The following CUL7 variants were observed in gnomAD, a reference collection of about 807,000 sequenced individuals.
CUL7 encodes the protein cullin 7.
A neutral mutation model predicts 177.7 loss-of-function variants in CUL7; 96 were observed. The observed-to-expected ratio is 0.54, with a 90% confidence interval of 0.46 to 0.64. The LOEUF is 0.64. CUL7 is among the 30% of genes least tolerant of loss of function. The pLI, the probability that CUL7 is intolerant of heterozygous loss-of-function variation, is 0.00. For synonymous variants in CUL7, 824 were observed against 890.2 expected (o/e 0.93, Z 1.32); for missense variants, 1,893 against 2,187.9 (o/e 0.87, Z 2.69).
Position 43,046,278 on chromosome 6 carries a change from G to C in CUL7, c.2618C>G (p.Ser873Cys). 1 of 1,614,226 alleles carries C rather than the reference G, an allele frequency of 6.2e-7. No homozygotes were observed. The highest frequency in any genetic ancestry group is 2.2e-5 in the East Asian group (1 of 44,876). Residue 873 changes from serine (S) to cysteine (C), a missense_variant, in exon 12 of 26, where the codon TCC becomes TGC. Around this residue, in one of 5 missense-constraint regions of CUL7, gnomAD observed 973 missense variants for 1,140.9 expected, o/e 0.85. Coordinates refer to ENST00000265348, the MANE Select transcript of CUL7 (RefSeq NM_014780.5). ...GCGCATGTGCAGGGTGATGTAGTGG[G>C]AGCCGGCGCTGCCGTTGGACTCCCA... is the stretch of plus-strand genomic sequence containing the variant. Reference protein sequence around the residue: ...TYWESNGSAGSHYITLHMRRG... With the variant: ...TYWESNGSAGCHYITLHMRRG...
Position 43,053,075 on chromosome 6 carries a change from G to C in CUL7, c.-8-279C>G, listed in dbSNP as rs1764569411. Among the ~76,000 whole-genome samples, 1 of 152,186 alleles carries C rather than the reference G, an allele frequency of 6.6e-6. No individual in the cohort carries two copies. Among genetic ancestry groups the C allele is most frequent in the Non-Finnish European group, 1.5e-5 (1 of 68,022 alleles). On this transcript the variant is annotated intron_variant, in intron 1 of 25. Coordinates refer to ENST00000265348, the MANE Select transcript of CUL7 (RefSeq NM_014780.5). The surrounding 1 kb of genome is among the most constrained non-coding windows in gnomAD (Gnocchi z 4.1). ...TTGATATGGAACAGTGGGCGGACTA[G>C]TGGGGGCAGGGCAGCCTTGGAGTTA...
In CUL7 at chr6:43,045,868, A is replaced by T; in HGVS notation, c.2766+118T>A. 1 of 1,078,590 alleles carries T rather than the reference A, an allele frequency of 9.3e-7. No homozygotes were observed. The highest frequency in any genetic ancestry group is 1.4e-6 in the Non-Finnish European group (1 of 713,746). The allele number at this position is 1,078,590 out of a possible 1,614,324, so 66.8% of individuals were successfully genotyped here. A position where few individuals can be genotyped will look rare whatever the true frequency, so the allele number is the denominator to read the frequency against. ...CACAAGCACAGGGATAAAGGACACT[A>T]CTTTCTGTGGGGCTCAAGACAGGTG... On this transcript the variant is annotated intron_variant, in intron 13 of 25. Transcript: ENST00000265348. This position sits in a 1 kb window ranked among gnomAD's most constrained non-coding sequence, Gnocchi z 4.8.
At position 43,038,978 on chromosome 6, in the gene CUL7, T is replaced by C. The variant is rs1287071543; in HGVS notation, c.4304A>G (p.His1435Arg). Residue 1435 changes from histidine (H) to arginine (R), a missense_variant, in exon 23 of 26, where the codon CAC (histidine) becomes CGC (arginine). By Grantham distance (29) the His-to-Arg change is conservative. Around this residue, in one of 5 missense-constraint regions of CUL7, gnomAD observed 973 missense variants for 1,140.9 expected, o/e 0.85. Coordinates refer to ENST00000265348, the MANE Select transcript of CUL7 (RefSeq NM_014780.5). ...YSNFYNKSQS[H>R]PALERGSQRR... ...CTGTGAGCCTCGCTCAAGGGCAGGGTGGCTCTGACCTGGACCAGGAAGGGG... is the reference window on the plus strand; with the variant it reads ...CTGTGAGCCTCGCTCAAGGGCAGGGCGGCTCTGACCTGGACCAGGAAGGGG... 3 of 1,609,592 alleles carry C rather than the reference T, an allele frequency of 1.9e-6. No homozygotes were observed.
At position 43,040,693 on chromosome 6, in the gene CUL7, G is replaced by A. The variant is rs1313068084; in HGVS notation, c.3860C>T (p.Ala1287Val). 2 of 1,614,128 alleles carry A rather than the reference G, an allele frequency of 1.2e-6. No homozygotes were observed. ...LGVVSSWLEG[A>V]VLEQIGPCFP... The stretch of plus-strand genomic sequence containing the variant: ...GCAGGGACCGATCTGCTCCAGCACG[G>A]CCCCCTCCAGCCAGCTCGAGACCAC... Residue 1287 changes from alanine to valine, a missense_variant, in exon 21 of 26, where the codon GCC becomes GTC. Physicochemically the swap from Ala to Val is moderately conservative, Grantham distance 64. This residue lies in a region of CUL7 where 973 missense variants were observed against 1,140.9 expected (regional missense o/e 0.85). Coordinates refer to ENST00000265348, the MANE Select transcript of CUL7 (RefSeq NM_014780.5). The surrounding 1 kb of genome is among the most constrained non-coding windows in gnomAD (Gnocchi z 4.2).
At position 43,040,893 on chromosome 6, in the gene CUL7, C is replaced by T. The variant is rs755683048; in HGVS notation, c.3806+22G>A. 72 of 1,612,074 alleles carry T rather than the reference C, an allele frequency of 4.5e-5. No individual in the cohort carries two copies. The highest frequency in any genetic ancestry group is 5.6e-5 in the Non-Finnish European group (66 of 1,178,998). On this transcript the variant is annotated intron_variant, in intron 20 of 25. Coordinates refer to ENST00000265348, the MANE Select transcript of CUL7 (RefSeq NM_014780.5). This position sits in a 1 kb window ranked among gnomAD's most constrained non-coding sequence, Gnocchi z 4.2. Reference sequence around the variant, plus strand: ...CATCATCCTGCCTCCCGCCAGCTCCCGCTCCTTAGGTCCACACTCACTGGT... The same window carrying T: ...CATCATCCTGCCTCCCGCCAGCTCCTGCTCCTTAGGTCCACACTCACTGGT...
At chr6:43,047,226 G>C in intron 9 of CUL7, 119 bp from the exon 10 acceptor site, 1 of 706,116 alleles carries the variant, frequency 1.4e-6, no homozygotes, top group African/African-American at 1.7e-5. Flanking sequence ...GCTACAGTGA[G>C]CAAGGCAGAG....
chr6:43,045,338 A>G lies in CUL7; in HGVS notation c.2927T>C (p.Val976Ala), dbSNP rs747111214. The G allele has an allele frequency of 1.2e-6, 2 of 1,614,200 alleles. No homozygotes were observed. The highest frequency in any genetic ancestry group is 1.7e-6 in the Non-Finnish European group (2 of 1,180,032). The change falls in exon 15 of 26, where the codon GTG becomes GCG. Residue 976 changes from valine to alanine, a missense_variant. Coordinates refer to ENST00000265348, the MANE Select transcript of CUL7 (RefSeq NM_014780.5). This position sits in a 1 kb window ranked among gnomAD's most constrained non-coding sequence, Gnocchi z 4.8. ...GTGACGACAGAGCTGCTCCCGGAAC[A>G]CTGGCCAGAACGTGGGCTTGGGGCC... is the stretch of plus-strand genomic sequence containing the variant. ...ILGPKPTFWP[V>A]FREQLCRHTR... is the part of the protein sequence containing the mutation.
At chr6:43,047,995 T>A (rs1764058887) in intron 9 of CUL7, 153 bp downstream of exon 9, 3 of 620,686 alleles carry the variant, frequency 4.8e-6, no homozygotes, top group Non-Finnish European at 8.7e-6. Context: ...ATTACCTATT[T>A]AAAAAAAATA....
chr6:43,052,431 TC>T lies in CUL7; in HGVS notation c.357del (p.Arg120GlufsTer51). The T allele has an allele frequency of 1.2e-6, 2 of 1,614,050 alleles. No homozygotes were observed. Among genetic ancestry groups the T allele is most frequent in the South Asian group, 2.2e-5 (2 of 91,084 alleles). On this transcript the variant is annotated frameshift_variant, in exon 2 of 26. Coordinates refer to ENST00000265348, the MANE Select transcript of CUL7 (RefSeq NM_014780.5). LOFTEE classifies it high-confidence loss of function. This position sits in a 1 kb window ranked among gnomAD's most constrained non-coding sequence, Gnocchi z 4.5. The stretch of plus-strand genomic sequence containing the variant: ...CACTCCTCCAGCTGCCGAAGGGCTC[TC>T]TGAATGAGGGACTTCACGTCGGTTT... ...EMETDVKSLI[Q>X]RALRQLEECV... is the part of the protein sequence containing the mutation.
Position 43,050,886 on chromosome 6 carries a change from G to C in CUL7, c.1233+82C>G. 1 of 1,552,924 alleles carries C rather than the reference G, an allele frequency of 6.4e-7. No individual in the cohort carries two copies. Among genetic ancestry groups the C allele is most frequent in the East Asian group, 2.3e-5 (1 of 44,430 alleles). On this transcript the variant is annotated intron_variant, in intron 4 of 25. Coordinates refer to ENST00000265348, the MANE Select transcript of CUL7 (RefSeq NM_014780.5). The surrounding 1 kb of genome is among the most constrained non-coding windows in gnomAD (Gnocchi z 4.1). ...AAGCTTTCTCTTTGGGTGGCCTGCT[G>C]GAGCCCCCCCATATAGAAGTCCCAG...
At position 43,044,894 on chromosome 6, in the gene CUL7, G is replaced by A; in HGVS notation, c.3039-9C>T. On this transcript the variant is annotated splice_polypyrimidine_tract_variant and intron_variant, in intron 15 of 25. Transcript: ENST00000265348. ...GCAGAGCACCGTTGAGTCTGGGGGT[G>A]AGAATGGAGGAGGAAGGTGTCAGGG... 2 of 1,611,368 alleles carry A rather than the reference G, an allele frequency of 1.2e-6. No homozygotes were observed. Among genetic ancestry groups the A allele is most frequent in the Non-Finnish European group, 8.5e-7 (1 of 1,177,788 alleles).
Position 43,045,936 on chromosome 6 carries a change from G to T in CUL7, c.2766+50C>A. On this transcript the variant is annotated intron_variant, in intron 13 of 25. Transcript: ENST00000265348. The surrounding 1 kb of genome is among the most constrained non-coding windows in gnomAD (Gnocchi z 4.8). ...GGATAGGGCCAGATAGAAGCAGGAGGGCAGATCCTGTGAGGGGTGGAGTAA... is the reference window on the plus strand; with the variant it reads ...GGATAGGGCCAGATAGAAGCAGGAGTGCAGATCCTGTGAGGGGTGGAGTAA... 1 of 1,437,854 alleles carries T rather than the reference G, an allele frequency of 7.0e-7. No individual in the cohort carries two copies. Among genetic ancestry groups the T allele is most frequent in the Non-Finnish European group, 9.8e-7 (1 of 1,021,588 alleles). 89.1% of individuals were successfully genotyped at this position (1,437,854 alleles called of 1,614,324 possible).
Position 43,051,492 on chromosome 6 carries a change from A to T in CUL7, c.733-24T>A. The T allele has an allele frequency of 6.2e-7, 1 of 1,614,022 alleles. No individual in the cohort carries two copies. The highest frequency in any genetic ancestry group is 8.5e-7 in the Non-Finnish European group (1 of 1,180,006). On this transcript the variant is annotated intron_variant, in intron 3 of 25. Transcript: ENST00000265348. This position sits in a 1 kb window ranked among gnomAD's most constrained non-coding sequence, Gnocchi z 5.0. ...ACCTGTGGGATACAACCTTTGGCCT[A>T]TATCCACCTTGTCCCAGTTTAAGCC... is the stretch of plus-strand genomic sequence containing the variant.
At chr6:43,047,642 T>G (rs529413270) in intron 9 of CUL7, among the ~76,000 whole-genome samples, 57 of 152,302 alleles carry the variant, frequency 3.7e-4, no homozygotes, top group African/African-American at 1.2e-3. Context: ...GCCCAGGACT[T>G]CTCTGTAGCT....
At position 43,043,547 on chromosome 6, in the gene CUL7, C is replaced by T. The variant is rs759892486; in HGVS notation, c.3256G>A (p.Gly1086Ser). The change falls in exon 17 of 26, where the codon GGC becomes AGC. Residue 1086 changes from glycine to serine, a missense_variant. By Grantham distance (56) the Gly-to-Ser change is moderately conservative. Around this residue, in one of 5 missense-constraint regions of CUL7, gnomAD observed 973 missense variants for 1,140.9 expected, o/e 0.85. Coordinates refer to ENST00000265348, the MANE Select transcript of CUL7 (RefSeq NM_014780.5). This position sits in a 1 kb window ranked among gnomAD's most constrained non-coding sequence, Gnocchi z 4.2. ...QEAVFNPQSR[G>S]PAFFSRVRRL... ...CGCACCCGCGAGAAGAAAGCTGGGC[C>T]GCGGCTCTGGGGGTTGAAGACAGCT... 13 of 1,613,874 alleles carry T rather than the reference C, an allele frequency of 8.1e-6. No individual in the cohort carries two copies. The highest frequency in any genetic ancestry group is 4.0e-5 in the African/African-American group (3 of 74,910).
At position 43,043,488 on chromosome 6, in the gene CUL7, G is replaced by C; in HGVS notation, c.3315C>G (p.Pro1105=). ...RLTHLLVHVE[P]CEAPPPVVAT... ...CCACCACAGGAGGGGGTGCCTCACA[G>C]GGCTCGACATGCACCAGCAGGTGAG... Residue 1105 remains proline (P), a synonymous_variant, in exon 17 of 26, where the codon CCC becomes CCG. Transcript: ENST00000265348. The surrounding 1 kb of genome is among the most constrained non-coding windows in gnomAD (Gnocchi z 4.2). 1 of 1,614,102 alleles carries C rather than the reference G, an allele frequency of 6.2e-7. No individual in the cohort carries two copies. Among genetic ancestry groups the C allele is most frequent in the South Asian group, 1.1e-5 (1 of 91,082 alleles).
chr6:43,051,688 C>T lies in CUL7; in HGVS notation c.656G>A (p.Cys219Tyr), dbSNP rs745820541. The change falls in exon 3 of 26, where the codon TGT becomes TAT. Residue 219 changes from cysteine to tyrosine, a missense_variant. This residue lies in a region of CUL7 where 653 missense variants were observed against 725.2 expected (regional missense o/e 0.90). Coordinates refer to ENST00000265348, the MANE Select transcript of CUL7 (RefSeq NM_014780.5). This position sits in a 1 kb window ranked among gnomAD's most constrained non-coding sequence, Gnocchi z 5.0. Reference protein sequence around the residue: ...IEKHLDFDSRCALLALFAQAT... With the variant: ...IEKHLDFDSRYALLALFAQAT... Reference sequence around the variant, plus strand: ...CTGTGCAAACAGTGCTAGCAGAGCACAGCGGCTGTCAAAATCCAGGTGTTT... The same window carrying T: ...CTGTGCAAACAGTGCTAGCAGAGCATAGCGGCTGTCAAAATCCAGGTGTTT... 4.3e-6 allele frequency: 7 copies of T among 1,614,162 alleles called. No individual in the cohort carries two copies. The Admixed American group carries it at 1.0e-4, about 23-fold the overall frequency.
At position 43,050,111 on chromosome 6, in the gene CUL7, G is replaced by A. The variant is rs745753542; in HGVS notation, c.1421C>T (p.Pro474Leu). The change falls in exon 6 of 26, where the codon CCT becomes CTT. Residue 474 changes from proline (P) to leucine (L), a missense_variant. Pro to Leu is a moderately conservative substitution (Grantham distance 98, BLOSUM62 -3). Transcript: ENST00000265348. The surrounding 1 kb of genome is among the most constrained non-coding windows in gnomAD (Gnocchi z 4.1). The part of the protein sequence containing the change: ...WRPMTELYAV[P>L]YVLPEDEDTE... ...GTCCTCATCCTCAGGCAGCACATAA[G>A]GCACAGCATAGAGTTCTGTCATGGG... 1 of 1,614,220 alleles carries A rather than the reference G, an allele frequency of 6.2e-7. No individual in the cohort carries two copies.
chr6:43,053,806 G>A lies in CUL7; in HGVS notation c.-193C>T. 6.5e-7 allele frequency: 1 copy of A among 1,532,922 alleles called. No homozygotes were observed. Among genetic ancestry groups the A allele is most frequent in the Non-Finnish European group, 8.7e-7 (1 of 1,146,210 alleles). The allele number at this position is 1,532,922 out of a possible 1,614,324, so 95.0% of individuals were successfully genotyped here. On this transcript the variant is annotated 5_prime_UTR_variant, in exon 1 of 26. Coordinates refer to ENST00000265348, the MANE Select transcript of CUL7 (RefSeq NM_014780.5). This position sits in a 1 kb window ranked among gnomAD's most constrained non-coding sequence, Gnocchi z 4.1. Reference sequence around the variant, plus strand: ...GCGTGAGTCGGCAGCCACTGGGGCAGGGTGGGGCCCGGTCCCTGCCAGCGG... The same window carrying A: ...GCGTGAGTCGGCAGCCACTGGGGCAAGGTGGGGCCCGGTCCCTGCCAGCGG...
Sources: gnomAD v4.1 joint callset for allele counts (sites outside exome capture counted in the v4.1 genomes callset) on GRCh38, gnomAD v4.1.1 for gene constraint, gnomAD v4.1.1 regional missense constraint, Gnocchi (gnomAD v3.1) non-coding constraint, MANE v1.5 for transcripts, NCBI Gene and HGNC (gene_info 2026-07-23, HGNC 2026-07-21) for gene names.